Variants in CNNM2 observed in about 807,000 individuals in gnomAD.
CNNM2 encodes the protein cyclin and CBS domain divalent metal cation transport mediator 2.
A neutral mutation model predicts 66.9 loss-of-function variants in CNNM2; 12 were observed. That is an observed-to-expected ratio of 0.18 (90% CI 0.11 to 0.29). The LOEUF is 0.29. Ranked by LOEUF, CNNM2 falls within the 10% of genes least tolerant of loss-of-function variation. The pLI is 1.00. For synonymous variants in CNNM2, 557 were observed against 501.8 expected, an observed-to-expected ratio of 1.11 and a Z score of -1.47; for missense variants, 705 against 1,167.7, an observed-to-expected ratio of 0.60 and a Z score of 5.77.
intron 1 of CNNM2, among the ~76,000 whole-genome samples, chr10:103,028,814 C>CTTTTTTTTTTTTTTT (rs67846722): frequency 1.6e-5 from 2 of 126,182 alleles, no homozygotes; most frequent in African/African-American, 3.0e-5. Context: ...TTTTCTTTTT[C>CTTTTTTTTTTTTTTT]TTTTTTTTTT....
At chr10:103,044,248 A>G (rs956692080) in intron 1 of CNNM2, among the ~76,000 whole-genome samples, 3 of 152,082 alleles carry the variant, frequency 2.0e-5, no homozygotes, top group Admixed American at 1.3e-4. Context: ...AATTTTTCCA[A>G]TGCTCAGGTT....
At chr10:102,964,634 G>A (rs1272498681) in intron 1 of CNNM2, among the ~76,000 whole-genome samples, 1 of 152,146 alleles carries the variant, frequency 6.6e-6, no homozygotes, top group Non-Finnish European at 1.5e-5. Flanking sequence ...AGCCTAGGAG[G>A]TGCTGTGATA....
At chr10:103,047,667 T>A (rs2065148808) in intron 1 of CNNM2, among the ~76,000 whole-genome samples, 1 of 152,206 alleles carries the variant, frequency 6.6e-6, no homozygotes, top group African/African-American at 2.4e-5. Context: ...TAAGAATTTT[T>A]AAAAATCTGT....
chr10:102,932,916 C>CAAAA (rs71019636), intron 1 of CNNM2, among the ~76,000 whole-genome samples: 4 of 70,660 alleles, frequency 5.7e-5, no homozygotes, highest in South Asian at 5.7e-4. Context: ...GACTCTGTCT[C>CAAAA]AAAAAAAAAA....
At chr10:102,962,137 G>A (rs1405762286) in intron 1 of CNNM2, among the ~76,000 whole-genome samples, 2 of 152,072 alleles carry the variant, frequency 1.3e-5, no homozygotes, top group African/African-American at 4.8e-5. Flanking sequence ...TGGACAAAGG[G>A]TGGGGAACAA....
rs1350220698 is a variant in CNNM2, at chr10:103,083,761, C to G, written c.*6581C>G. 1 of 152,214 alleles carries G rather than the reference C, an allele frequency of 6.6e-6. No individual in the cohort carries two copies. The highest frequency in any genetic ancestry group is 1.5e-5 in the Non-Finnish European group (1 of 68,040). The allele number at this position is 152,214 out of a possible 1,614,324, so 9.4% of individuals were successfully genotyped here. On this transcript the variant is annotated 3_prime_UTR_variant, in exon 8 of 8. Coordinates refer to ENST00000369878, the MANE Select transcript of CNNM2 (RefSeq NM_017649.5). The stretch of plus-strand genomic sequence containing the variant: ...AGTCACTAATAACAACACACAGTGC[C>G]GCTGGGCTAAGCCGGCATTTCCTAG...
At chr10:103,046,471 T>C (rs1054256014) in intron 1 of CNNM2, among the ~76,000 whole-genome samples, 1 of 152,296 alleles carries the variant, frequency 6.6e-6, no homozygotes, top group Admixed American at 6.5e-5. Flanking sequence ...TGGGTTAAAC[T>C]TTTTTTGGTC....
chr10:103,009,751 T>C (rs1192041693), intron 1 of CNNM2, among the ~76,000 whole-genome samples: 1 of 150,882 alleles, frequency 6.6e-6, no homozygotes, highest in Admixed American at 6.6e-5. Flanking sequence ...AAATCATCTG[T>C]AGTGAGTTGA....
chr10:102,950,688 A>G lies in CNNM2; in HGVS notation c.1621+30587A>G, dbSNP rs545243504. Among the ~76,000 whole-genome samples, 14 of 152,216 alleles carry G rather than the reference A, an allele frequency of 9.2e-5. No individual in the cohort carries two copies. In the South Asian group the frequency reaches 2.9e-3, roughly 32 times the overall value. On this transcript the variant is annotated intron_variant, in intron 1 of 7. Transcript: ENST00000369878. ...AGGATCGCTTAAGCCCAGGAATTCA[A>G]GGTTGTATAGAGCTATGATTAAACC...
At chr10:103,062,677 C>G (rs538632571) in intron 4 of CNNM2, among the ~76,000 whole-genome samples, 1 of 152,192 alleles carries the variant, frequency 6.6e-6, no homozygotes, top group African/African-American at 2.4e-5. Flanking sequence ...TGCTGCCCTG[C>G]GAGCTCCCTT....
At chr10:103,073,246 A>G (rs115858419) in intron 6 of CNNM2, among the ~76,000 whole-genome samples, 3 of 152,250 alleles carry the variant, frequency 2.0e-5, no homozygotes, top group Non-Finnish European at 4.4e-5. Context: ...CTGAGTCTAG[A>G]TGCTTTGGAA....
At chr10:102,960,368 A>G (rs2063360825) in intron 1 of CNNM2, among the ~76,000 whole-genome samples, 1 of 152,126 alleles carries the variant, frequency 6.6e-6, no homozygotes, top group African/African-American at 2.4e-5. Flanking sequence ...AGTATTGTGA[A>G]ATCTTTTGTC....
In CNNM2 at chr10:102,918,537, C is replaced by G. The variant is rs761214082; in HGVS notation, c.57C>G (p.Ala19=). ...PKVKMAGGQA[A]AALPTWKMAA... Reference sequence around the variant, plus strand: ...TAAAGATGGCGGGCGGGCAGGCAGCCGCCGCACTGCCCACTTGGAAGATGG... The same window carrying G: ...TAAAGATGGCGGGCGGGCAGGCAGCGGCCGCACTGCCCACTTGGAAGATGG... The change falls in exon 1 of 8, where the codon GCC becomes GCG. Residue 19 remains alanine (A), a synonymous_variant. Coordinates refer to ENST00000369878, the MANE Select transcript of CNNM2 (RefSeq NM_017649.5). This position sits in a 1 kb window ranked among gnomAD's most constrained non-coding sequence, Gnocchi z 4.1. 1.9e-6 allele frequency: 3 copies of G among 1,603,064 alleles called. No homozygotes were observed. The highest frequency in any genetic ancestry group is 2.5e-6 in the Non-Finnish European group (3 of 1,177,072).
At chr10:103,049,368 TC>T (rs996151439) in intron 1 of CNNM2, among the ~76,000 whole-genome samples, 3 of 152,154 alleles carry the variant, frequency 2.0e-5, no homozygotes, top group African/African-American at 7.2e-5. Context: ...GTCTTGGGAA[TC>T]CCTAGGGCAC....
Position 102,918,447 on chromosome 10 carries a change from GA to G in CNNM2, c.-31del. On this transcript the variant is annotated 5_prime_UTR_variant, in exon 1 of 8. Coordinates refer to ENST00000369878, the MANE Select transcript of CNNM2 (RefSeq NM_017649.5). This position sits in a 1 kb window ranked among gnomAD's most constrained non-coding sequence, Gnocchi z 4.1. Reference sequence around the variant, plus strand: ...GTACCTGCGCTCGCGCCGCCGGGTTGAAAGGATGAAGCCGCAGCTGGAGCAG... The same window carrying G: ...GTACCTGCGCTCGCGCCGCCGGGTTGAAGGATGAAGCCGCAGCTGGAGCAG... The G allele has an allele frequency of 6.3e-7, 1 of 1,589,396 alleles. No homozygotes were observed. Among genetic ancestry groups the G allele is most frequent in the South Asian group, 1.1e-5 (1 of 87,912 alleles).
chr10:102,945,913 G>T (rs1846602639), intron 1 of CNNM2, among the ~76,000 whole-genome samples: 1 of 151,992 alleles, frequency 6.6e-6, no homozygotes, highest in African/African-American at 2.4e-5. Flanking sequence ...GAGGTGCTCA[G>T]TCGATATTTG....
rs12779535 is a variant in CNNM2 at position 103,032,003 on chromosome 10, C to T, written c.1622-17704C>T. Among the ~76,000 whole-genome samples the T allele has an allele frequency of 0.14, 20,720 of 152,216 alleles. 1,600 individuals are homozygous for T. Among genetic ancestry groups the T allele is most frequent in the East Asian group, 0.19 (996 of 5,182 alleles). ...CTGATGCACGAGCATGAAGCCACTG[C>T]AAGCCTGCGTGAACTAGTCACTGCG... is the stretch of plus-strand genomic sequence containing the variant. On this transcript the variant is annotated intron_variant, in intron 1 of 7. Transcript: ENST00000369878.
At chr10:103,048,970 C>G (rs2065174241) in intron 1 of CNNM2, among the ~76,000 whole-genome samples, 1 of 152,144 alleles carries the variant, frequency 6.6e-6, no homozygotes, top group Non-Finnish European at 1.5e-5. Flanking sequence ...CCTCAGCCTC[C>G]CAGGAAGCTG....
intron 1 of CNNM2, among the ~76,000 whole-genome samples, chr10:102,947,356 A>C (rs1023407630): frequency 6.6e-6 from 1 of 152,192 alleles, no homozygotes. Context: ...TTTTAGAAAG[A>C]TGTATGCGTC....
Sources: gnomAD v4.1 joint callset for allele counts (sites outside exome capture counted in the v4.1 genomes callset) on GRCh38, gnomAD v4.1.1 for gene constraint, Gnocchi (gnomAD v3.1) non-coding constraint, MANE v1.5 for transcripts, NCBI Gene and HGNC (gene_info 2026-07-23, HGNC 2026-07-21) for gene names.